ADCY1: variants seen among roughly 807,000 people sequenced by gnomAD.
ADCY1 encodes the protein adenylate cyclase type 1.
A neutral mutation model predicts 105.4 loss-of-function variants in ADCY1; 28 were observed. The ratio of observed to expected loss-of-function variants is 0.27; its 90% CI spans 0.20 to 0.36. The LOEUF is 0.36. Among genes scored for constraint, ADCY1 ranks in the 10% least tolerant of loss-of-function variants. ADCY1 has a pLI of 1.00. For synonymous variants in ADCY1, 655 were observed against 623.8 expected, an observed-to-expected ratio of 1.05 and a Z score of -0.75; for missense variants, 977 against 1,434.2, an observed-to-expected ratio of 0.68 and a Z score of 5.15.
At chr7:45,712,888 C>G (rs1785289776) in intron 19 of ADCY1, among the ~76,000 whole-genome samples, 1 of 152,164 alleles carries the variant, frequency 6.6e-6, no homozygotes, top group Non-Finnish European at 1.5e-5. Flanking sequence ...AGCTAGAATA[C>G]TGGTTGCGAA....
chr7:45,621,209 G>C (rs1793879088), intron 3 of ADCY1, among the ~76,000 whole-genome samples: 1 of 152,110 alleles, frequency 6.6e-6, no homozygotes, highest in African/African-American at 2.4e-5. Context: ...GGGACTACAG[G>C]TGCACGCCAA....
rs1010530077 is a variant in ADCY1 at position 45,721,750 on chromosome 7, T to C, written c.*7755T>C. 4.0e-5 allele frequency: 16 copies of C among 398,614 alleles called. No individual in the cohort carries two copies. In the Middle Eastern group the frequency reaches 1.9e-3, roughly 47 times the overall value. 24.7% of individuals were successfully genotyped at this position (398,614 alleles called of 1,614,324 possible). The stretch of plus-strand genomic sequence containing the variant: ...CAGCAGGAGTTCAGAGGGCTTATGA[T>C]GGATGGTGAGAGATTTGACAACCAC... On this transcript the variant is annotated 3_prime_UTR_variant, in exon 20 of 20. Transcript: ENST00000297323.
chr7:45,602,922 G>A (rs2115827599), intron 2 of ADCY1, among the ~76,000 whole-genome samples: 1 of 152,130 alleles, frequency 6.6e-6, no homozygotes, highest in African/African-American at 2.4e-5. Context: ...ATCCCCCAAA[G>A]ACACCTCATA....
In ADCY1 at chr7:45,710,772, G is replaced by C; in HGVS notation, c.3057+120G>C. 2.2e-6 allele frequency: 3 copies of C among 1,347,202 alleles called. No individual in the cohort carries two copies. The highest frequency in any genetic ancestry group is 3.0e-6 in the Non-Finnish European group (3 of 1,008,278). The allele number at this position is 1,347,202 out of a possible 1,614,324, so 83.5% of individuals were successfully genotyped here. The stretch of plus-strand genomic sequence containing the variant: ...GCCCGTAAGTGGCAGGGCAGAAAGA[G>C]CTGCATATTTCGGTCTGTCTGCTCT... On this transcript the variant is annotated intron_variant, in intron 19 of 19. Transcript: ENST00000297323. This position sits in a 1 kb window ranked among gnomAD's most constrained non-coding sequence, Gnocchi z 4.7.
Position 45,686,007 on chromosome 7 carries a change from C to G in ADCY1, c.2119C>G (p.Leu707Val). The G allele has an allele frequency of 6.2e-7, 1 of 1,614,090 alleles. No individual in the cohort carries two copies. The highest frequency in any genetic ancestry group is 2.2e-5 in the East Asian group (1 of 44,872). Residue 707 changes from leucine (L) to valine (V), a missense_variant, in exon 13 of 20, where the codon CTG becomes GTG. Leu to Val is a conservative substitution (Grantham distance 32). Coordinates refer to ENST00000297323, the MANE Select transcript of ADCY1 (RefSeq NM_021116.4). The surrounding 1 kb of genome is among the most constrained non-coding windows in gnomAD (Gnocchi z 4.3). ...WAWSSKPNSS[L>V]VVLSSGGQRT... is the part of the protein sequence containing the mutation. ...CTGGAGCTCCAAGCCCAACAGTTCC[C>G]TGGTGGTCCTTTCGTCTGGGGGCCA...
intron 3 of ADCY1, among the ~76,000 whole-genome samples, chr7:45,615,189 A>C (rs1793705026): frequency 6.6e-6 from 1 of 152,248 alleles, no homozygotes; most frequent in African/African-American, 2.4e-5. Context: ...TCACAGAGGG[A>C]TGAAATTAGA....
intron 14 of ADCY1, among the ~76,000 whole-genome samples, chr7:45,695,378 C>T (rs193040561): frequency 1.3e-5 from 2 of 152,280 alleles, no homozygotes; most frequent in Admixed American, 1.3e-4. Flanking sequence ...AAGTAAATGG[C>T]CAAAGGTCAG....
In ADCY1 at chr7:45,719,568, T is replaced by C. The variant is rs1427874599; in HGVS notation, c.*5573T>C. ...CTATTCTGTTCCATATGAAGTCTGT[T>C]TCACTACCTTAAAAAATAGATACTC... On this transcript the variant is annotated 3_prime_UTR_variant, in exon 20 of 20. Transcript: ENST00000297323. The C allele has an allele frequency of 1.3e-5, 2 of 152,260 alleles. No individual in the cohort carries two copies. Among genetic ancestry groups the C allele is most frequent in the African/African-American group, 4.8e-5 (2 of 41,462 alleles). The allele number at this position is 152,260 out of a possible 1,614,324, so 9.4% of individuals were successfully genotyped here.
At chr7:45,674,531 G>C (rs1208022426) in intron 8 of ADCY1, among the ~76,000 whole-genome samples, 1 of 151,976 alleles carries the variant, frequency 6.6e-6, no homozygotes, top group African/African-American at 2.4e-5. Context: ...CCGCCACCAC[G>C]CCCTGCTAAT....
intron 8 of ADCY1, among the ~76,000 whole-genome samples, chr7:45,675,725 C>T (rs1237597282): frequency 6.6e-6 from 1 of 151,964 alleles, no homozygotes; most frequent in African/African-American, 2.4e-5. Context: ...TGCTATCATT[C>T]TAGTTACTTT....
intron 1 of ADCY1, among the ~76,000 whole-genome samples, chr7:45,587,262 G>T (rs930287584): frequency 3.3e-5 from 5 of 152,198 alleles, no homozygotes; most frequent in Non-Finnish European, 7.3e-5. Context: ...CATGGCCAGG[G>T]CGTGTGCTTC....
At chr7:45,663,519 G>A (rs980359221) in intron 8 of ADCY1, among the ~76,000 whole-genome samples, 3 of 152,162 alleles carry the variant, frequency 2.0e-5, no homozygotes, top group Admixed American at 6.5e-5. Flanking sequence ...CCAGGCGGGC[G>A]GGAGCTGTTA....
In ADCY1 at chr7:45,575,276, G is replaced by T; in HGVS notation, c.639+94G>T. On this transcript the variant is annotated intron_variant, in intron 1 of 19. Transcript: ENST00000297323. This position sits in a 1 kb window ranked among gnomAD's most constrained non-coding sequence, Gnocchi z 4.7. The stretch of plus-strand genomic sequence containing the variant: ...GAGTCGGGCGCGCTTTTTCCTATGC[G>T]GCGGGTGGGGACACTGAGGCTCCGA... The T allele has an allele frequency of 6.9e-7, 1 of 1,447,704 alleles. No homozygotes were observed. The highest frequency in any genetic ancestry group is 9.1e-7 in the Non-Finnish European group (1 of 1,095,992). The allele number at this position is 1,447,704 out of a possible 1,614,324, so 89.7% of individuals were successfully genotyped here. A position where few individuals can be genotyped will look rare whatever the true frequency, so the allele number is the denominator to read the frequency against.
intron 19 of ADCY1, among the ~76,000 whole-genome samples, chr7:45,712,019 ATATATTATACTAAATATATAT>A (rs1477562789): frequency 1.6e-3 from 179 of 112,528 alleles, no homozygotes; most frequent in Non-Finnish European, 2.4e-3. Context: ...TATATATTTT[ATATATTATACTAAATATATAT>A]TTTATATAAT....
intron 1 of ADCY1, among the ~76,000 whole-genome samples, chr7:45,583,949 T>TTTG (rs796596591): frequency 5.0e-5 from 7 of 139,186 alleles, no homozygotes; most frequent in African/African-American, 1.3e-4. Flanking sequence ...TTTTTTTTTT[T>TTTG]TTTTTTTTTT....
chr7:45,690,489 C>T (rs892918705), intron 14 of ADCY1, among the ~76,000 whole-genome samples: 5 of 152,212 alleles, frequency 3.3e-5, no homozygotes, highest in Non-Finnish European at 2.9e-5. Flanking sequence ...ACTGGGAATG[C>T]TCTCCTCCCT....
chr7:45,711,956 T>C (rs1785257131), intron 19 of ADCY1, among the ~76,000 whole-genome samples: 1 of 95,710 alleles, frequency 1.0e-5, no homozygotes, highest in Non-Finnish European at 2.0e-5. Flanking sequence ...CATATTATAT[T>C]AAATATATAA....
chr7:45,689,751 GC>G (rs753378366), intron 14 of ADCY1, among the ~76,000 whole-genome samples: 3 of 152,192 alleles, frequency 2.0e-5, no homozygotes, highest in South Asian at 4.1e-4. Flanking sequence ...GAGTCCTCAC[GC>G]CAGAAGGCCT....
At position 45,710,512 on chromosome 7, in the gene ADCY1, G is replaced by T; in HGVS notation, c.2933-16G>T. ...TTTTCCCGCTGATGACAGGTCATGC[G>T]CTGGCTGTTTTCTAGGCATCAATGT... On this transcript the variant is annotated splice_polypyrimidine_tract_variant and intron_variant, in intron 18 of 19. Transcript: ENST00000297323. This position sits in a 1 kb window ranked among gnomAD's most constrained non-coding sequence, Gnocchi z 4.7. 1 of 1,612,760 alleles carries T rather than the reference G, an allele frequency of 6.2e-7. No homozygotes were observed. Among genetic ancestry groups the T allele is most frequent in the Non-Finnish European group, 8.5e-7 (1 of 1,179,394 alleles).
Sources: gnomAD v4.1 joint callset for allele counts (sites outside exome capture counted in the v4.1 genomes callset) on GRCh38, gnomAD v4.1.1 for gene constraint, Gnocchi (gnomAD v3.1) non-coding constraint, MANE v1.5 for transcripts, NCBI Gene and HGNC (gene_info 2026-07-23, HGNC 2026-07-21) for gene names.